The following SRPRA variants were observed in gnomAD, a reference collection of about 807,000 sequenced individuals.
SRPRA encodes SRP receptor subunit alpha, also known as signal recognition particle receptor subunit alpha.
SRPRA carries 30 observed loss-of-function variants against 61.1 expected under a neutral mutation model. That is an observed-to-expected ratio of 0.49 (90% confidence interval 0.37 to 0.67). The LOEUF is 0.67. SRPRA is among the 30% of genes least tolerant of loss of function. SRPRA has a pLI of 0.00. For missense variants in SRPRA, 759 were observed against 828.4 expected (o/e 0.92, Z 1.03); for synonymous variants, 324 against 299.7 (o/e 1.08, Z -0.84).
At chr11:126,259,592 A>G (rs921700514), downstream of SRPRA, among the ~76,000 whole-genome samples, 5 of 150,734 alleles carry the variant, frequency 3.3e-5, no homozygotes, top group Non-Finnish European at 7.4e-5. Flanking sequence ...TGCCCGGCTA[A>G]TTTTTTGTAT....
At chr11:126,236,186 T>C in the SRPRA span, among the ~76,000 whole-genome samples, 1 of 152,364 alleles carries the variant, frequency 6.6e-6, no homozygotes, top group African/African-American at 2.4e-5. Flanking sequence ...GATTCTCTGT[T>C]TGCTGGATCT....
At chr11:126,238,531 T>G in the SRPRA span, among the ~76,000 whole-genome samples, 1 of 152,202 alleles carries the variant, frequency 6.6e-6, no homozygotes, top group African/African-American at 2.4e-5. Context: ...TCCTAGAGTC[T>G]GAAAAGCTTC....
chr11:126,247,243 G>A, the SRPRA span, among the ~76,000 whole-genome samples: 3 of 152,242 alleles, frequency 2.0e-5, no homozygotes, highest in South Asian at 2.1e-4. Context: ...AATGAGCCAC[G>A]TTCATGCCAC....
At position 126,265,340 on chromosome 11, in the gene SRPRA, C is replaced by T. The variant is rs1194011229; in HGVS notation, c.1239G>A (p.Gln413=). 11 of 1,613,506 alleles carry T rather than the reference C, an allele frequency of 6.8e-6. No individual in the cohort carries two copies. Among genetic ancestry groups the T allele is most frequent in the Non-Finnish European group, 9.3e-6 (11 of 1,179,858 alleles). The part of the protein sequence containing the change: ...VDMLRDIMDA[Q]RRQRPYVVTF... ...TGACGACATAAGGGCGCTGGCGACGCTGGGCATCCATGATGTCCCGGAGCA... is the reference window on the plus strand; with the variant it reads ...TGACGACATAAGGGCGCTGGCGACGTTGGGCATCCATGATGTCCCGGAGCA... The change falls in exon 10 of 14, where the codon CAG becomes CAA. Residue 413 remains glutamine, a synonymous_variant. Coordinates refer to ENST00000332118, the MANE Select transcript of SRPRA (RefSeq NM_003139.4). The surrounding 1 kb of genome is among the most constrained non-coding windows in gnomAD (Gnocchi z 6.3).
chr11:126,264,891 A>T lies in SRPRA; in HGVS notation c.1525+68T>A, dbSNP rs1591537067. 1 of 1,460,832 alleles carries T rather than the reference A, an allele frequency of 6.8e-7. No homozygotes were observed. The highest frequency in any genetic ancestry group is 2.3e-5 in the East Asian group (1 of 42,948). The allele number at this position is 1,460,832 out of a possible 1,614,324, so 90.5% of individuals were successfully genotyped here. ...TAGTAGCACAAGCCTGATCTTCTGCAAATTCCAAGAGAACCCAAGGAGAAA... is the reference window on the plus strand; with the variant it reads ...TAGTAGCACAAGCCTGATCTTCTGCTAATTCCAAGAGAACCCAAGGAGAAA... On this transcript the variant is annotated intron_variant, in intron 11 of 13. Transcript: ENST00000332118. The surrounding 1 kb of genome is among the most constrained non-coding windows in gnomAD (Gnocchi z 5.0).
chr11:126,238,787 G>A, the SRPRA span, among the ~76,000 whole-genome samples: 3 of 152,064 alleles, frequency 2.0e-5, no homozygotes, highest in Middle Eastern at 3.4e-3. Context: ...CAAGGGAATC[G>A]GCCTTTGCAT....
the SRPRA span, among the ~76,000 whole-genome samples, chr11:126,238,595 T>C: frequency 2.6e-5 from 4 of 152,220 alleles, no homozygotes; most frequent in Non-Finnish European, 5.9e-5. Context: ...AGACTTTTAC[T>C]TAATCCCCAC....
At chr11:126,261,514 A>G, downstream of SRPRA, 2 of 1,570,682 alleles carry the variant, frequency 1.3e-6, no homozygotes, top group Non-Finnish European at 8.8e-7. Flanking sequence ...ACTATTTATC[A>G]CTCTGTAGCA....
At chr11:126,243,603 G>T in the SRPRA span, among the ~76,000 whole-genome samples, 1 of 152,048 alleles carries the variant, frequency 6.6e-6, no homozygotes, top group African/African-American at 2.4e-5. Context: ...TGAAAGGTTG[G>T]TTTAACATCT....
chr11:126,267,631 G>A lies in SRPRA; in HGVS notation c.283C>T (p.Arg95Cys), dbSNP rs371309255. ...GCACTTTGCTGTTGGATCTCTGTGC[G>A]GTACTTGTCCCGAAACAGCCGATGC... ...DVHRLFRDKYRTEIQQQSALS... is the reference protein window; with the variant it reads ...DVHRLFRDKYCTEIQQQSALS... The change falls in exon 3 of 14, where the codon CGC (arginine) becomes TGC (cysteine). Residue 95 changes from arginine to cysteine, a missense_variant. By Grantham distance (180) the Arg-to-Cys change is radical (BLOSUM62 -3). Transcript: ENST00000332118. The surrounding 1 kb of genome is among the most constrained non-coding windows in gnomAD (Gnocchi z 4.2). 2 of 1,614,134 alleles carry A rather than the reference G, an allele frequency of 1.2e-6. No homozygotes were observed. Among genetic ancestry groups the A allele is most frequent in the Admixed American group, 1.7e-5 (1 of 60,024 alleles).
At chr11:126,262,397 G>C (rs1950719498), downstream of SRPRA, 3 of 536,846 alleles carry the variant, frequency 5.6e-6, no homozygotes, top group South Asian at 7.3e-5. Flanking sequence ...CCCCAGGCTA[G>C]ACATGCTTGT....
In SRPRA at chr11:126,264,606, T is replaced by A; in HGVS notation, c.1526-67A>T. On this transcript the variant is annotated intron_variant, in intron 11 of 13. Coordinates refer to ENST00000332118, the MANE Select transcript of SRPRA (RefSeq NM_003139.4). This position sits in a 1 kb window ranked among gnomAD's most constrained non-coding sequence, Gnocchi z 5.0. ...ACTCATGCTCGTTCCCAGCTTCCTC[T>A]CAAAAAGTCCTAGTTTGACTACCTG... 2 of 1,569,936 alleles carry A rather than the reference T, an allele frequency of 1.3e-6. No individual in the cohort carries two copies. The highest frequency in any genetic ancestry group is 1.7e-6 in the Non-Finnish European group (2 of 1,156,606).
rs1591537807 is a variant in SRPRA at position 126,265,709 on chromosome 11, G to A, written c.1138+28C>T. The A allele has an allele frequency of 6.2e-7, 1 of 1,611,286 alleles. No homozygotes were observed. Among genetic ancestry groups the A allele is most frequent in the Middle Eastern group, 1.7e-4 (1 of 6,060 alleles). On this transcript the variant is annotated intron_variant, in intron 9 of 13. Transcript: ENST00000332118. This position sits in a 1 kb window ranked among gnomAD's most constrained non-coding sequence, Gnocchi z 6.3. The stretch of plus-strand genomic sequence containing the variant: ...GTCTATGCACTTAACCTACACATAA[G>A]CACTTTCTCACTTAGGTAAGTACTT...
chr11:126,263,880 G>A lies in SRPRA; in HGVS notation c.*36C>T. The A allele has an allele frequency of 6.2e-7, 1 of 1,610,812 alleles. No individual in the cohort carries two copies. The highest frequency in any genetic ancestry group is 8.5e-7 in the Non-Finnish European group (1 of 1,178,734). Reference sequence around the variant, plus strand: ...CTTGATACAGGAAGAAGGGCTTGTGGGGAAAGCGGCGATTTGGTATTGGGC... The same window carrying A: ...CTTGATACAGGAAGAAGGGCTTGTGAGGAAAGCGGCGATTTGGTATTGGGC... On this transcript the variant is annotated 3_prime_UTR_variant, in exon 14 of 14. Transcript: ENST00000332118.
chr11:126,245,576 C>T, the SRPRA span, among the ~76,000 whole-genome samples: 4 of 152,230 alleles, frequency 2.6e-5, no homozygotes, highest in African/African-American at 9.6e-5. Context: ...TACCTGTAAT[C>T]CCAACTACTT....
chr11:126,259,986 C>G (rs1367290820), downstream of SRPRA, among the ~76,000 whole-genome samples: 2 of 152,118 alleles, frequency 1.3e-5, no homozygotes, highest in Admixed American at 6.5e-5. Context: ...TCCCAAAGTG[C>G]TGGGATTACA....
At chr11:126,256,610 T>C in the SRPRA span, 31 of 1,614,046 alleles carry the variant, frequency 1.9e-5, no homozygotes, top group Non-Finnish European at 1.8e-5. This position sits in a 1 kb window ranked among gnomAD's most constrained non-coding sequence, Gnocchi z 6.6. Context: ...TTTCTTTTCC[T>C]GGGCTGTGGC....
the SRPRA span, among the ~76,000 whole-genome samples, chr11:126,255,852 C>CT: frequency 6.6e-6 from 1 of 152,108 alleles, no homozygotes; most frequent in South Asian, 2.1e-4. This position sits in a 1 kb window ranked among gnomAD's most constrained non-coding sequence, Gnocchi z 4.6. Context: ...ACTTGGGAGT[C>CT]TGAGGCAGGA....
chr11:126,252,616 G>A, the SRPRA span, among the ~76,000 whole-genome samples: 1 of 152,150 alleles, frequency 6.6e-6, no homozygotes, highest in Non-Finnish European at 1.5e-5. The surrounding 1 kb of genome is among the most constrained non-coding windows in gnomAD (Gnocchi z 4.7). Context: ...GGTGGTGTTT[G>A]CCTGTGGTCC....
Sources: gnomAD v4.1 joint callset for allele counts (sites outside exome capture counted in the v4.1 genomes callset) on GRCh38, gnomAD v4.1.1 for gene constraint, Gnocchi (gnomAD v3.1) non-coding constraint, MANE v1.5 for transcripts, NCBI Gene and HGNC (gene_info 2026-07-23, HGNC 2026-07-21) for gene names.